NDST4: variants seen among roughly 807,000 people sequenced by gnomAD.
NDST4 encodes N-deacetylase and N-sulfotransferase 4.
Under a neutral mutation model 100.8 loss-of-function variants are expected in NDST4, and 63 were observed. That is an observed-to-expected ratio of 0.62 (90% CI 0.51 to 0.77). The LOEUF (loss-of-function observed/expected upper bound fraction) is 0.77. Among genes scored for constraint, NDST4 ranks in the 30% least tolerant of loss-of-function variants. The pLI, the probability that NDST4 is intolerant of heterozygous loss-of-function variation, is 0.00. For missense variants in NDST4, 943 were observed against 1,018.4 expected (o/e 0.93, Z 1.01); for synonymous variants, 377 against 361.8 (o/e 1.04, Z -0.48).
chr4:114,850,082 A>AG (rs1468742558), intron 8 of NDST4, among the ~76,000 whole-genome samples: 1 of 152,164 alleles, frequency 6.6e-6, no homozygotes, highest in East Asian at 1.9e-4. Flanking sequence ...CACTTTCTTA[A>AG]GGGGGGTGGA....
intron 4 of NDST4, among the ~76,000 whole-genome samples, chr4:114,963,548 T>G (rs1274048415): frequency 1.3e-5 from 2 of 152,186 alleles, no homozygotes; most frequent in Non-Finnish European, 2.9e-5. Context: ...CATTGAAGTT[T>G]ACACTTTACG....
intron 2 of NDST4, among the ~76,000 whole-genome samples, chr4:115,071,142 AT>A (rs72069910): frequency 0.012 from 1,751 of 143,166 alleles, 33 homozygotes; most frequent in African/African-American, 0.05. Flanking sequence ...AAATAAAAAA[AT>A]AAAAAATAAA....
At chr4:114,888,866 G>A (rs1267748157) in intron 6 of NDST4, among the ~76,000 whole-genome samples, 1 of 152,080 alleles carries the variant, frequency 6.6e-6, no homozygotes, top group African/African-American at 2.4e-5. Context: ...TAATCACATA[G>A]TCATTCTCAT....
intron 9 of NDST4, among the ~76,000 whole-genome samples, chr4:114,847,372 T>G (rs1176631631): frequency 1.8e-5 from 1 of 55,996 alleles, no homozygotes; most frequent in Non-Finnish European, 3.3e-5. Context: ...CGAGACTCCG[T>G]CTCAAAAAAA....
intron 4 of NDST4, chr4:114,955,991 C>A (rs879408545): frequency 6.6e-6 from 1 of 152,232 alleles, no homozygotes; most frequent in Non-Finnish European, 1.5e-5. Flanking sequence ...AAGTTCTATT[C>A]TAGTTAACAG....
At chr4:115,063,941 T>C (rs1412315731) in intron 2 of NDST4, among the ~76,000 whole-genome samples, 3 of 151,988 alleles carry the variant, frequency 2.0e-5, no homozygotes, top group African/African-American at 7.2e-5. Flanking sequence ...TTAATTGTCT[T>C]CTTCCCTGGT....
intron 9 of NDST4, among the ~76,000 whole-genome samples, 164 bp from the exon 10 acceptor site, chr4:114,846,161 C>T (rs962505939): frequency 1.3e-5 from 2 of 152,096 alleles, no homozygotes; most frequent in Non-Finnish European, 2.9e-5. Flanking sequence ...AATGTGAAGT[C>T]AACCCAAAAT....
chr4:114,903,274 G>A (rs976101025), intron 6 of NDST4, among the ~76,000 whole-genome samples: 3 of 152,082 alleles, frequency 2.0e-5, no homozygotes, highest in African/African-American at 7.2e-5. Flanking sequence ...AAGAAAAACA[G>A]ATTCTCTGCC....
chr4:115,020,093 A>T (rs1325650732), intron 2 of NDST4, among the ~76,000 whole-genome samples: 1 of 152,114 alleles, frequency 6.6e-6, no homozygotes, highest in Non-Finnish European at 1.5e-5. Context: ...TGAAGAAGTA[A>T]CTTAGAAAAA....
chr4:114,845,442 CTTAT>C (rs913856150), intron 10 of NDST4, among the ~76,000 whole-genome samples: 3 of 152,140 alleles, frequency 2.0e-5, no homozygotes, highest in African/African-American at 4.8e-5. Flanking sequence ...CGATATTTTA[CTTAT>C]TTATTAACTT....
intron 6 of NDST4, among the ~76,000 whole-genome samples, chr4:114,920,506 T>C (rs1163773409): frequency 6.6e-6 from 1 of 152,210 alleles, no homozygotes; most frequent in Non-Finnish European, 1.5e-5. Context: ...TTACTTACAC[T>C]TTATACTTTG....
intron 6 of NDST4, among the ~76,000 whole-genome samples, chr4:114,883,200 T>A (rs1391611975): frequency 2.0e-5 from 3 of 152,094 alleles, no homozygotes; most frequent in African/African-American, 7.2e-5. Context: ...AAATTTTTTA[T>A]TTTTAATTAA....
chr4:114,954,756 T>C (rs984055576), intron 4 of NDST4, among the ~76,000 whole-genome samples: 1 of 152,292 alleles, frequency 6.6e-6, no homozygotes, highest in East Asian at 1.9e-4. Flanking sequence ...ATCTCCAGCG[T>C]TGGAGATGAA....
intron 6 of NDST4, among the ~76,000 whole-genome samples, chr4:114,919,951 T>C (rs1725254682): frequency 6.6e-6 from 1 of 152,128 alleles, no homozygotes; most frequent in Non-Finnish European, 1.5e-5. Context: ...AGGTACACAC[T>C]GGTGAAAGGA....
chr4:114,871,720 G>A (rs72679784), intron 6 of NDST4, among the ~76,000 whole-genome samples: 11,766 of 151,904 alleles, frequency 0.077, 532 homozygotes, highest in East Asian at 0.13. Flanking sequence ...GATTGTTTAC[G>A]CAACTCATAA....
In NDST4 at chr4:115,076,144, A is replaced by G; in HGVS notation, c.893T>C (p.Leu298Ser). The G allele has an allele frequency of 3.1e-6, 5 of 1,613,994 alleles. No individual in the cohort carries two copies. The highest frequency in any genetic ancestry group is 4.2e-6 in the Non-Finnish European group (5 of 1,179,936). ...CACAAGGATGTACCTGTCCAAGGAC[A>G]ATGTCAGCCTCTTCCCTGACAAGAA... The part of the protein sequence containing the change: ...ISFLSGKRLT[L>S]SLDRYILVDI... Residue 298 changes from leucine (L) to serine (S), a missense_variant, in exon 2 of 14, where the codon TTG becomes TCG. Leu to Ser is a moderately radical substitution (Grantham distance 145). Transcript: ENST00000264363.
chr4:114,980,404 C>G (rs141367849), intron 2 of NDST4, among the ~76,000 whole-genome samples: 4,058 of 152,042 alleles, frequency 0.027, 121 homozygotes, highest in African/African-American at 0.067. Flanking sequence ...CACTTTGGGA[C>G]GCCGAGGCAG....
chr4:114,873,599 C>A (rs1035005022), intron 6 of NDST4, among the ~76,000 whole-genome samples: 2 of 151,956 alleles, frequency 1.3e-5, no homozygotes, highest in African/African-American at 4.8e-5. Context: ...TCCCTCTTGG[C>A]AGGACTTAGT....
In NDST4 at chr4:114,846,015, C is replaced by T; in HGVS notation, c.1941-18G>A. ...CCATATACCTGAAGGCAGAGAAAGA[C>T]AATTAATTAATCTGAAAATAATTTT... is the stretch of plus-strand genomic sequence containing the variant. On this transcript the variant is annotated intron_variant, in intron 9 of 13. Coordinates refer to ENST00000264363, the MANE Select transcript of NDST4 (RefSeq NM_022569.3). The T allele has an allele frequency of 6.5e-7, 1 of 1,533,670 alleles. No individual in the cohort carries two copies. The highest frequency in any genetic ancestry group is 1.2e-5 in the South Asian group (1 of 83,418).
Sources: allele counts gnomAD v4.1 joint callset (sites outside exome capture counted in the v4.1 genomes callset), GRCh38; gene constraint gnomAD v4.1.1; transcripts MANE v1.5; gene names NCBI Gene and HGNC (gene_info 2026-07-23, HGNC 2026-07-21).